Variants in TTC34 observed in about 807,000 individuals in gnomAD.
The protein encoded by TTC34 is tetratricopeptide repeat protein 34.
In TTC34, 44 loss-of-function variants were observed where a neutral mutation model predicts 40.7. That is an observed-to-expected ratio of 1.08 (90% CI 0.85 to 1.39). The LOEUF (loss-of-function observed/expected upper bound fraction) is 1.39. Ranked by LOEUF, TTC34 falls within the 40% of genes most tolerant of loss-of-function variation. TTC34 has a pLI of 0.00. For missense variants in TTC34, 884 were observed against 838.0 expected (o/e 1.05, Z -0.68); for synonymous variants, 422 against 398.6 (o/e 1.06, Z -0.70).
intron 2 of TTC34, among the ~76,000 whole-genome samples, chr1:2,792,901 C>T (rs1643676992): frequency 6.6e-6 from 1 of 152,252 alleles, no homozygotes; most frequent in Non-Finnish European, 1.5e-5. Context: ...GCACATCTCA[C>T]CTCACACAAC....
chr1:2,750,640 C>G (rs1641287005), intron 6 of TTC34, among the ~76,000 whole-genome samples: 12 of 150,992 alleles, frequency 7.9e-5, no homozygotes, highest in East Asian at 3.9e-4. Context: ...GGAGCAGCAC[C>G]CACACCCCCA....
intron 4 of TTC34, among the ~76,000 whole-genome samples, chr1:2,786,690 A>G (rs1046137772): frequency 6.6e-6 from 1 of 152,174 alleles, no homozygotes; most frequent in Non-Finnish European, 1.5e-5. Flanking sequence ...CCTTCAGACG[A>G]CGCGGAGCAA....
At chr1:2,653,805 C>T (rs529215691) in intron 6 of TTC34, among the ~76,000 whole-genome samples, 1 of 151,940 alleles carries the variant, frequency 6.6e-6, no homozygotes, top group African/African-American at 2.4e-5. Flanking sequence ...GAGCAGTGCC[C>T]ACACCCCCAG....
intron 2 of TTC34, among the ~76,000 whole-genome samples, chr1:2,794,439 T>C (rs2100633936): frequency 6.6e-6 from 1 of 152,374 alleles, no homozygotes. Flanking sequence ...CTGGTATTTA[T>C]AAATATAAAT....
At chr1:2,752,525 C>CT in intron 6 of TTC34, among the ~76,000 whole-genome samples, 1 of 100,670 alleles carries the variant, frequency 9.9e-6, no homozygotes, top group African/African-American at 5.2e-5. Flanking sequence ...TGGAGCAGCA[C>CT]CCACATCCCC....
intron 6 of TTC34, among the ~76,000 whole-genome samples, chr1:2,767,523 C>G (rs1473801279): frequency 4.9e-5 from 7 of 142,420 alleles, no homozygotes; most frequent in Non-Finnish European, 7.6e-5. Flanking sequence ...GAACCCCACT[C>G]TTCCAGGTGA....
chr1:2,649,908 G>C (rs1570750259), intron 6 of TTC34, among the ~76,000 whole-genome samples: 1 of 150,412 alleles, frequency 6.6e-6, no homozygotes, highest in African/African-American at 2.5e-5. Flanking sequence ...GCTTCTGACA[G>C]CCTGGAATGG....
intron 8 of TTC34, 55 bp from the exon 9 acceptor site, chr1:2,641,950 G>A (rs570097119): frequency 7.7e-6 from 11 of 1,429,894 alleles, no homozygotes; most frequent in South Asian, 5.9e-5. Flanking sequence ...CCAAAAGCCC[G>A]GCCGCCCCTG....
chr1:2,760,498 T>A (rs1280961659), intron 6 of TTC34, among the ~76,000 whole-genome samples: 1 of 53,242 alleles, frequency 1.9e-5, no homozygotes, highest in South Asian at 8.1e-4. Flanking sequence ...CAGGTGAGCA[T>A]CTGACAGCCT....
At chr1:2,641,612 G>A in exon 9 of TTC34, 1 of 1,534,290 alleles carries the variant, frequency 6.5e-7, no homozygotes, top group Non-Finnish European at 8.7e-7. Flanking sequence ...CTGGGCAAAG[G>A]CCCCTGCGGC....
chr1:2,684,873 C>G (rs1227601786), intron 6 of TTC34, among the ~76,000 whole-genome samples: 1 of 124,696 alleles, frequency 8.0e-6, no homozygotes, highest in Non-Finnish European at 1.6e-5. Flanking sequence ...GAGCAGCACC[C>G]ACACCCCAGG....
chr1:2,685,062 GGAACAGCAGCC>G, intron 6 of TTC34, among the ~76,000 whole-genome samples: 1 of 140,070 alleles, frequency 7.1e-6, no homozygotes, highest in Non-Finnish European at 1.5e-5. Flanking sequence ...CTGACAGCCT[GGAACAGCAGCC>G]TGCACCCCCA....
chr1:2,684,950 A>G (rs1318785974), intron 6 of TTC34, among the ~76,000 whole-genome samples: 1 of 137,016 alleles, frequency 7.3e-6, no homozygotes, highest in African/African-American at 3.0e-5. Flanking sequence ...CTGGAGCACC[A>G]CCCACACCCC....
chr1:2,687,206 T>C (rs1388341950), intron 6 of TTC34, among the ~76,000 whole-genome samples: 2,636 of 33,526 alleles, frequency 0.079, no homozygotes, highest in East Asian at 0.11. Flanking sequence ...CACCCACACC[T>C]CCCGGCGAGC....
At position 2,796,947 on chromosome 1, in the gene TTC34, G is replaced by T. The variant is rs139810029; in HGVS notation, c.784+3097C>A. Among the ~76,000 whole-genome samples, 38 of 152,062 alleles carry T rather than the reference G, an allele frequency of 2.5e-4. No homozygotes were observed. The highest frequency in any genetic ancestry group is 5.3e-4 in the Non-Finnish European group (36 of 67,994). On this transcript the variant is annotated intron_variant, in intron 2 of 8. Transcript: ENST00000401095. The surrounding 1 kb of genome is among the most constrained non-coding windows in gnomAD (Gnocchi z 4.5). Reference sequence around the variant, plus strand: ...CGCACACTCCTTGTCCTCTCCTTACGGACATTGTGGCCACTCTCAGGGCTG... The same window carrying T: ...CGCACACTCCTTGTCCTCTCCTTACTGACATTGTGGCCACTCTCAGGGCTG...
At chr1:2,750,274 G>GC (rs1641272001) in intron 6 of TTC34, among the ~76,000 whole-genome samples, 2 of 11,984 alleles carry the variant, frequency 1.7e-4, no homozygotes, top group African/African-American at 6.4e-4. Context: ...GCCTGGAAAA[G>GC]AGCCCAGACC....
intron 6 of TTC34, among the ~76,000 whole-genome samples, chr1:2,753,487 G>T (rs1276794713): frequency 2.2e-4 from 19 of 87,058 alleles, no homozygotes; most frequent in Admixed American, 1.9e-3. Flanking sequence ...GCTTGGATCA[G>T]CACCCACACC....
At chr1:2,651,638 A>G (rs1038312435) in intron 6 of TTC34, among the ~76,000 whole-genome samples, 1 of 151,052 alleles carries the variant, frequency 6.6e-6, no homozygotes, top group Non-Finnish European at 1.5e-5. Context: ...ATCACCCTGC[A>G]TACCAGGAGG....
intron 3 of TTC34, among the ~76,000 whole-genome samples, chr1:2,788,680 C>A (rs893071288): frequency 6.6e-6 from 1 of 152,186 alleles, no homozygotes; most frequent in African/African-American, 2.4e-5. Flanking sequence ...GGGAGGAGGG[C>A]AGCTCCTGAA....
Sources: gnomAD v4.1 joint callset for allele counts (sites outside exome capture counted in the v4.1 genomes callset) on GRCh38, gnomAD v4.1.1 for gene constraint, Gnocchi (gnomAD v3.1) non-coding constraint, MANE v1.5 for transcripts, NCBI Gene and HGNC (gene_info 2026-07-23, HGNC 2026-07-21) for gene names.